Variants in VPS13D observed in about 807,000 individuals in gnomAD.
VPS13D encodes vacuolar protein sorting 13 homolog D.
In VPS13D, 187 loss-of-function variants were observed where a neutral mutation model predicts 461.9. That is an observed-to-expected ratio of 0.40 (90% CI 0.36 to 0.46). The LOEUF (loss-of-function observed/expected upper bound fraction) is 0.46. Among genes scored for constraint, VPS13D ranks in the 20% least tolerant of loss-of-function variants. VPS13D has a pLI of 0.60. For missense variants in VPS13D, 4,711 were observed against 5,364.9 expected (o/e 0.88, Z 3.81); for synonymous variants, 1,951 against 1,986.3 (o/e 0.98, Z 0.47).
chr1:12,398,181 AT>A (rs968897244), intron 60 of VPS13D, among the ~76,000 whole-genome samples: 1 of 152,204 alleles, frequency 6.6e-6, no homozygotes, highest in Non-Finnish European at 1.5e-5. Context: ...TCTTGCCCTT[AT>A]CCCTGCCCTG....
Position 12,279,815 on chromosome 1 carries a change from C to T in VPS13D, c.4602+165C>T, listed in dbSNP as rs1237354791. Reference sequence around the variant, plus strand: ...ACCTTGTTCCAATAATTGTGGAATCCTTTTGTCATGGGGAATCCGTCTTGT... The same window carrying T: ...ACCTTGTTCCAATAATTGTGGAATCTTTTTGTCATGGGGAATCCGTCTTGT... On this transcript the variant is annotated intron_variant, in intron 20 of 69. Transcript: ENST00000620676. The surrounding 1 kb of genome is among the most constrained non-coding windows in gnomAD (Gnocchi z 4.3). 6.6e-6 allele frequency among the ~76,000 whole-genome samples: 1 copy of T among 152,030 alleles called. No individual in the cohort carries two copies. The highest frequency in any genetic ancestry group is 2.4e-5 in the African/African-American group (1 of 41,388).
chr1:12,333,168 TC>T (rs1025455270), intron 37 of VPS13D, 57 bp from the exon 38 acceptor site: 19 of 1,563,696 alleles, frequency 1.2e-5, no homozygotes, highest in Non-Finnish European at 1.5e-5. Context: ...CGAGCAGTGT[TC>T]CCCTATAAAC....
At chr1:12,312,452 C>T (rs949073976) in intron 29 of VPS13D, among the ~76,000 whole-genome samples, 6 of 152,136 alleles carry the variant, frequency 3.9e-5, no homozygotes, top group African/African-American at 1.4e-4. Flanking sequence ...TGATGCCTTG[C>T]TGGCCAACAT....
At chr1:12,329,767 A>G in intron 36 of VPS13D, 62 bp from the exon 37 acceptor site, 4 of 1,272,180 alleles carry the variant, frequency 3.1e-6, no homozygotes, top group Non-Finnish European at 4.6e-6. Flanking sequence ...TAATGTCATC[A>G]GCAAAAGGCA....
rs1300102946 is a variant in VPS13D at position 12,502,167 on chromosome 1, A to T, written c.12794+4536A>T. Among the ~76,000 whole-genome samples, 1 of 152,186 alleles carries T rather than the reference A, an allele frequency of 6.6e-6. No individual in the cohort carries two copies. The highest frequency in any genetic ancestry group is 2.4e-5 in the African/African-American group (1 of 41,448). ...TCATGAAAAATAAAACCTTGACAGC[A>T]GCAGGTAGAGAGACTGAAGGCAGGA... On this transcript the variant is annotated intron_variant, in intron 68 of 69. Transcript: ENST00000620676. The surrounding 1 kb of genome is among the most constrained non-coding windows in gnomAD (Gnocchi z 4.3).
At position 12,369,766 on chromosome 1, in the gene VPS13D, A is replaced by C. The variant is rs143830124; in HGVS notation, c.10808+64A>C. The C allele has an allele frequency of 9.8e-4, 1,469 of 1,492,880 alleles. 12 individuals carry two copies. The African/African-American group carries it at 0.019, about 19-fold the overall frequency. The allele number at this position is 1,492,880 out of a possible 1,614,324, so 92.5% of individuals were successfully genotyped here. ...GGTTCTAATTATTAACAGGTTTTAA[A>C]TGTTAAGCAGTTTCTTAGGAGACCA... is the stretch of plus-strand genomic sequence containing the variant. On this transcript the variant is annotated intron_variant, in intron 54 of 69. Coordinates refer to ENST00000620676, the MANE Select transcript of VPS13D (RefSeq NM_015378.4).
At chr1:12,305,370 G>A (rs1221673010) in intron 26 of VPS13D, among the ~76,000 whole-genome samples, 1 of 152,094 alleles carries the variant, frequency 6.6e-6, no homozygotes, top group East Asian at 1.9e-4. Context: ...GACCTCCTGA[G>A]CTCACTCGAT....
At chr1:12,506,512 GC>G (rs1646109466) in intron 68 of VPS13D, among the ~76,000 whole-genome samples, 2 of 152,054 alleles carry the variant, frequency 1.3e-5, no homozygotes, top group African/African-American at 4.8e-5. Context: ...AGCTTTCAGC[GC>G]CCCCAGCTGC....
At chr1:12,396,029 A>ATATATATATATATATATATATATATAT (rs1553187933) in intron 60 of VPS13D, among the ~76,000 whole-genome samples, 5 of 119,822 alleles carry the variant, frequency 4.2e-5, no homozygotes, top group African/African-American at 1.5e-4. Flanking sequence ...ATATATATAT[A>ATATATATATATATATATATATATATAT]GTTCTTTAAG....
chr1:12,325,331 C>T (rs982381961), intron 35 of VPS13D, among the ~76,000 whole-genome samples: 4 of 152,112 alleles, frequency 2.6e-5, no homozygotes, highest in African/African-American at 9.7e-5. Context: ...GCGATCTTGG[C>T]CCACTGCAAC....
intron 62 of VPS13D, 48 bp downstream of exon 62, chr1:12,401,752 G>C: frequency 6.6e-7 from 1 of 1,514,206 alleles, no homozygotes; most frequent in South Asian, 1.1e-5. Flanking sequence ...GTCCAAAGAT[G>C]GTATTTTTGA....
intron 50 of VPS13D, 38 bp from the exon 51 acceptor site, chr1:12,362,682 C>A: frequency 6.3e-7 from 1 of 1,599,244 alleles, no homozygotes; most frequent in Non-Finnish European, 8.5e-7. Context: ...TTTCTCTCTT[C>A]ATGGTTAACT....
intron 65 of VPS13D, among the ~76,000 whole-genome samples, chr1:12,422,848 C>CTTT (rs748419781): frequency 7.7e-6 from 1 of 130,538 alleles, no homozygotes. Context: ...TTTTGAAGGT[C>CTTT]TTTTTTTTTT....
At position 12,302,377 on chromosome 1, in the gene VPS13D, C is replaced by T. The variant is rs1331743184; in HGVS notation, c.6217-2129C>T. Reference sequence around the variant, plus strand: ...TTTCTCTATCCTTCCTAAAAAGGTACTGGCCAGAGTTTCCTTATCAGATAT... The same window carrying T: ...TTTCTCTATCCTTCCTAAAAAGGTATTGGCCAGAGTTTCCTTATCAGATAT... On this transcript the variant is annotated intron_variant, in intron 25 of 69. Coordinates refer to ENST00000620676, the MANE Select transcript of VPS13D (RefSeq NM_015378.4). 2.0e-5 allele frequency among the ~76,000 whole-genome samples: 3 copies of T among 152,226 alleles called. No homozygotes were observed. The South Asian group carries it at 6.2e-4, about 31-fold the overall frequency.
Position 12,345,844 on chromosome 1 carries a change from T to C in VPS13D, c.9021+335T>C, listed in dbSNP as rs567883277. Among the ~76,000 whole-genome samples, 15 of 152,374 alleles carry C rather than the reference T, an allele frequency of 9.8e-5. No individual in the cohort carries two copies. The East Asian group carries it at 2.9e-3, about 29-fold the overall frequency. ...ATTGTTATGCTGTCCATATACACTG[T>C]GTTTTTAATATTTCTTATAATGCAG... On this transcript the variant is annotated intron_variant, in intron 43 of 69. Transcript: ENST00000620676.
chr1:12,237,372 G>T (rs557379800), intron 2 of VPS13D, among the ~76,000 whole-genome samples: 1 of 148,812 alleles, frequency 6.7e-6, no homozygotes, highest in East Asian at 2.0e-4. Context: ...GCATGCCTGT[G>T]GTCCCAGCTA....
At chr1:12,368,368 G>T in intron 52 of VPS13D, 100 bp from the exon 53 acceptor site, 1 of 1,420,178 alleles carries the variant, frequency 7.0e-7, no homozygotes, top group Non-Finnish European at 9.4e-7. Flanking sequence ...TATTGACTGA[G>T]GCCCAAACAG....
At chr1:12,376,161 T>A (rs1206916772) in intron 55 of VPS13D, among the ~76,000 whole-genome samples, 4 of 152,218 alleles carry the variant, frequency 2.6e-5, no homozygotes, top group Non-Finnish European at 5.9e-5. Context: ...GCAGAGATGC[T>A]TTCTGTTTCT....
intron 29 of VPS13D, among the ~76,000 whole-genome samples, chr1:12,313,887 C>T (rs992307545): frequency 1.3e-5 from 2 of 152,306 alleles, no homozygotes; most frequent in East Asian, 1.9e-4. Context: ...TTCCTATGAA[C>T]AAGATCATCT....
Sources: allele counts gnomAD v4.1 joint callset (sites outside exome capture counted in the v4.1 genomes callset), GRCh38; gene constraint gnomAD v4.1.1; non-coding constraint Gnocchi (gnomAD v3.1); transcripts MANE v1.5; gene names NCBI Gene and HGNC (gene_info 2026-07-23, HGNC 2026-07-21).